Variants in CIMAP1A observed in about 807,000 individuals in gnomAD.
CIMAP1A encodes the protein cancer/testis antigen 135.
At chr11:198,655 C>T in the CIMAP1A span, 1 of 1,542,000 alleles carries the variant, frequency 6.5e-7, no homozygotes, top group Non-Finnish European at 8.7e-7. Context: ...GAACCCAGGA[C>T]CCACCAGTTC....
At chr11:198,412 G>T in the CIMAP1A span, 1 of 1,613,152 alleles carries the variant, frequency 6.2e-7, no homozygotes, top group Non-Finnish European at 8.5e-7. Flanking sequence ...AGAGCCCCAG[G>T]GAAGGAGCAG....
chr11:199,542 G>T, the CIMAP1A span: 1 of 1,544,452 alleles, frequency 6.5e-7, no homozygotes. Context: ...AGGGGTCAGG[G>T]TGGGGCAGGG....
the CIMAP1A span, chr11:197,071 G>A: frequency 5.4e-5 from 22 of 404,994 alleles, no homozygotes; most frequent in Non-Finnish European, 8.4e-5. Context: ...AGCATGGACA[G>A]CAACTCTGGG....
At chr11:199,448 G>C in the CIMAP1A span, 40 of 1,566,238 alleles carry the variant, frequency 2.6e-5, no homozygotes, top group East Asian at 8.5e-4. Context: ...ATGGCTGCCC[G>C]TGTGGAGCCC....
At chr11:197,592 T>C in the CIMAP1A span, 2 of 1,613,272 alleles carry the variant, frequency 1.2e-6, no homozygotes. Context: ...CCAAGCTGCG[T>C]GCACCGGCCT....
At chr11:199,442 C>A in the CIMAP1A span, 8 of 1,568,002 alleles carry the variant, frequency 5.1e-6, no homozygotes, top group Non-Finnish European at 6.9e-6. Flanking sequence ...TACACCATGG[C>A]TGCCCGTGTG....
At chr11:198,841 T>G in the CIMAP1A span, 1 of 1,356,382 alleles carries the variant, frequency 7.4e-7, no homozygotes, top group Non-Finnish European at 9.5e-7. Flanking sequence ...GGAAGCACTG[T>G]CTGGAGAGAG....
the CIMAP1A span, chr11:198,688 T>A: frequency 1.3e-6 from 2 of 1,507,748 alleles, no homozygotes; most frequent in Non-Finnish European, 1.8e-6. Flanking sequence ...CCAATGCCCC[T>A]CAGCCCCCTC....
chr11:199,757 C>T, the CIMAP1A span: 1 of 1,437,638 alleles, frequency 7.0e-7, no homozygotes, highest in East Asian at 2.5e-5. Flanking sequence ...AAGCAGAGAC[C>T]CTGCCCTTTT....
chr11:197,161 A>G, the CIMAP1A span: 2 of 467,284 alleles, frequency 4.3e-6, no homozygotes, highest in Non-Finnish European at 7.5e-6. Flanking sequence ...CCAGCTGGAG[A>G]TCCCCACTGA....
At chr11:199,768 C>A in the CIMAP1A span, 1 of 1,441,112 alleles carries the variant, frequency 6.9e-7, no homozygotes, top group Non-Finnish European at 9.1e-7. Context: ...CTGCCCTTTT[C>A]CCTAGACACT....
chr11:199,227 A>T, the CIMAP1A span: 7 of 1,470,444 alleles, frequency 4.8e-6, no homozygotes, highest in Non-Finnish European at 5.4e-6. Flanking sequence ...CCACAGTGTG[A>T]CAGAAGACAG....
At chr11:197,817 T>G in the CIMAP1A span, 1 of 1,579,496 alleles carries the variant, frequency 6.3e-7, no homozygotes, top group East Asian at 2.3e-5. Context: ...TGCCCCTCCC[T>G]GCTGGGTGCC....
the CIMAP1A span, chr11:200,097 C>T: frequency 3.3e-5 from 51 of 1,563,410 alleles, no homozygotes; most frequent in Middle Eastern, 5.0e-4. Context: ...CCACAGAGCT[C>T]GAGGCTGTCT....
chr11:198,155 T>C, the CIMAP1A span: 60 of 1,596,182 alleles, frequency 3.8e-5, no homozygotes, highest in Non-Finnish European at 4.9e-5. Flanking sequence ...CTGGGCTGCA[T>C]ACCCACCTGC....
the CIMAP1A span, chr11:198,863 T>C: frequency 7.6e-7 from 1 of 1,316,004 alleles, no homozygotes; most frequent in Non-Finnish European, 9.7e-7. Context: ...GAGGCAATCT[T>C]AGATAGGGTA....
At chr11:198,636 C>T in the CIMAP1A span, 1 of 1,558,694 alleles carries the variant, frequency 6.4e-7, no homozygotes, top group Non-Finnish European at 8.7e-7. Flanking sequence ...CCATCTGAAC[C>T]CTCCCCCGGA....
the CIMAP1A span, chr11:199,455 G>A: frequency 6.4e-7 from 1 of 1,563,990 alleles, no homozygotes; most frequent in Non-Finnish European, 8.7e-7. Flanking sequence ...CCCGTGTGGA[G>A]CCCCCAGGGG....
the CIMAP1A span, chr11:199,361 C>A: frequency 1.9e-5 from 29 of 1,565,446 alleles, 1 homozygote; most frequent in Non-Finnish European, 2.4e-5. Flanking sequence ...GCCTCCTTTA[C>A]CTCTCAGACC....
Sources: gnomAD v4.1 joint callset for allele counts on GRCh38, gnomAD v4.1.1 for gene constraint, MANE v1.5 for transcripts, NCBI Gene and HGNC (gene_info 2026-07-23, HGNC 2026-07-21) for gene names.